GPD1L: variants seen among roughly 807,000 people sequenced by gnomAD.
GPD1L encodes the protein glycerol-3-phosphate dehydrogenase 1-like protein.
GPD1L carries 17 observed loss-of-function variants against 32.9 expected under a neutral mutation model. That is an observed-to-expected ratio of 0.52 (90% CI 0.35 to 0.78). The LOEUF (loss-of-function observed/expected upper bound fraction) is 0.78. GPD1L is among the 30% of genes least tolerant of loss of function. The pLI is 0.01. For missense variants in GPD1L, 361 were observed against 447.8 expected, an observed-to-expected ratio of 0.81 and a Z score of 1.75; for synonymous variants, 187 against 165.9, an observed-to-expected ratio of 1.13 and a Z score of -0.98.
In GPD1L at chr3:32,168,144, A is replaced by G. The variant is rs994207056; in HGVS notation, c.*2234A>G. ...TTTCTTTACAAATGCCCTTGTAATT[A>G]CCACTCTGAAGTCTGCTGACTGTGT... On this transcript the variant is annotated 3_prime_UTR_variant, in exon 8 of 8. Transcript: ENST00000282541. The G allele has an allele frequency of 1.3e-5, 2 of 152,252 alleles. No individual in the cohort carries two copies. The highest frequency in any genetic ancestry group is 2.9e-5 in the Non-Finnish European group (2 of 68,024). 9.4% of individuals were successfully genotyped at this position (152,252 alleles called of 1,614,324 possible). A position where few individuals can be genotyped will look rare whatever the true frequency, so the allele number is the denominator to read the frequency against.
At chr3:32,130,112 G>A (rs1382585378) in intron 2 of GPD1L, among the ~76,000 whole-genome samples, 2 of 152,058 alleles carry the variant, frequency 1.3e-5, no homozygotes, top group Non-Finnish European at 2.9e-5. Context: ...GAGTGGTTCT[G>A]TGAAGCTGGA....
chr3:32,130,920 C>T (rs1417775405), intron 2 of GPD1L, among the ~76,000 whole-genome samples: 4 of 151,978 alleles, frequency 2.6e-5, no homozygotes, highest in African/African-American at 9.7e-5. Context: ...GAGGCTGAGG[C>T]AGGAGAATTG....
Position 32,167,724 on chromosome 3 carries a change from GGCC to G in GPD1L, c.*1815_*1817del, listed in dbSNP as rs1359718666. The G allele has an allele frequency of 2.0e-5, 3 of 152,402 alleles. No homozygotes were observed. Among genetic ancestry groups the G allele is most frequent in the Non-Finnish European group, 2.9e-5 (2 of 68,012 alleles). The allele number at this position is 152,402 out of a possible 1,614,324, so 9.4% of individuals were successfully genotyped here. A position where few individuals can be genotyped will look rare whatever the true frequency, so the allele number is the denominator to read the frequency against. On this transcript the variant is annotated 3_prime_UTR_variant, in exon 8 of 8. Transcript: ENST00000282541. ...AATTTAAGTTACTTTGTGAGATTTGGGCCTGTCCCTCAATGCCAGTTTAGGATT... is the reference window on the plus strand; with the variant it reads ...AATTTAAGTTACTTTGTGAGATTTGGTGTCCCTCAATGCCAGTTTAGGATT...
Position 32,140,236 on chromosome 3 carries a change from C to CG in GPD1L, c.376dup (p.Glu126GlyfsTer11). Reference sequence around the variant, plus strand: ...TCTTGGCATCCTTGTAGGGCATAGACGAGGGCCCCGAGGGGCTGAAGCTCA... The same window carrying CG: ...TCTTGGCATCCTTGTAGGGCATAGACGGAGGGCCCCGAGGGGCTGAAGCTCA... On this transcript the variant is annotated frameshift_variant, in exon 4 of 8. Transcript: ENST00000282541. LOFTEE classifies it high-confidence loss of function. The CG allele has an allele frequency of 6.2e-7, 1 of 1,614,008 alleles. No homozygotes were observed. Among genetic ancestry groups the CG allele is most frequent in the Non-Finnish European group, 8.5e-7 (1 of 1,179,972 alleles).
chr3:32,127,122 C>T (rs971513082), intron 1 of GPD1L, among the ~76,000 whole-genome samples: 7 of 152,136 alleles, frequency 4.6e-5, no homozygotes, highest in Admixed American at 6.5e-5. Flanking sequence ...TGGCCGCCCC[C>T]GCCTTTTGTT....
chr3:32,144,911 C>T (rs9833160), intron 4 of GPD1L, among the ~76,000 whole-genome samples: 61,696 of 150,762 alleles, frequency 0.41, 13,301 homozygotes, highest in African/African-American at 0.53. Context: ...GCCATGCTGA[C>T]CAGGCTGGTC....
At position 32,166,699 on chromosome 3, in the gene GPD1L, T is replaced by C. The variant is rs749657920; in HGVS notation, c.*789T>C. 6.6e-6 allele frequency: 1 copy of C among 152,634 alleles called. No individual in the cohort carries two copies. Among genetic ancestry groups the C allele is most frequent in the Non-Finnish European group, 1.5e-5 (1 of 68,424 alleles). The allele number at this position is 152,634 out of a possible 1,614,324, so 9.5% of individuals were successfully genotyped here. Reference sequence around the variant, plus strand: ...TTTATCTTAAACATCACAGATCCACTGGGGGGTGCAAGGGGCTACTGTTAG... The same window carrying C: ...TTTATCTTAAACATCACAGATCCACCGGGGGGTGCAAGGGGCTACTGTTAG... On this transcript the variant is annotated 3_prime_UTR_variant, in exon 8 of 8. Coordinates refer to ENST00000282541, the MANE Select transcript of GPD1L (RefSeq NM_015141.4).
At chr3:32,150,844 C>T (rs1113619) in intron 5 of GPD1L, among the ~76,000 whole-genome samples, 2 of 152,022 alleles carry the variant, frequency 1.3e-5, no homozygotes, top group Non-Finnish European at 2.9e-5. Flanking sequence ...AATCCCAGCA[C>T]TTTGGGAGGC....
At chr3:32,107,351 C>A (rs1057166392) in intron 1 of GPD1L, among the ~76,000 whole-genome samples, 5 of 152,202 alleles carry the variant, frequency 3.3e-5, no homozygotes, top group African/African-American at 9.6e-5. Flanking sequence ...GTTGAGAATT[C>A]TCCCTTGCCG....
chr3:32,160,584 C>T lies in GPD1L; in HGVS notation c.959+910C>T, dbSNP rs28391701. On this transcript the variant is annotated intron_variant, in intron 7 of 7. Transcript: ENST00000282541. ...GGTGGGTGGGATGGGATGAGATAGA[C>T]GGAGGGATGGATAATGGATGGGTGC... 1.6e-3 allele frequency among the ~76,000 whole-genome samples: 52 copies of T among 32,806 alleles called. 5 individuals are homozygous for T. The highest frequency in any genetic ancestry group is 9.0e-3 in the African/African-American group (39 of 4,336). The allele number at this position is 32,806 out of a possible 152,430, so 21.5% of individuals were successfully genotyped here.
intron 4 of GPD1L, 37 bp from the exon 5 acceptor site, chr3:32,146,585 C>A: frequency 9.3e-7 from 1 of 1,080,976 alleles, no homozygotes; most frequent in Non-Finnish European, 1.4e-6. Context: ...AGATTAGAGG[C>A]TGTTATTAAT....
Position 32,142,767 on chromosome 3 carries a change from A to T in GPD1L, c.505+2401A>T, listed in dbSNP as rs983406013. ...TGTAGGAAAGTTTCTAGTTGGGTAC[A>T]TTAGGCTTTTTTGGTTTTAAAAAAC... On this transcript the variant is annotated intron_variant, in intron 4 of 7. Transcript: ENST00000282541. Among the ~76,000 whole-genome samples the T allele has an allele frequency of 3.9e-5, 6 of 152,188 alleles. No homozygotes were observed. The East Asian group carries it at 9.6e-4, about 24-fold the overall frequency.
chr3:32,139,090 A>G (rs1224258276), intron 3 of GPD1L, among the ~76,000 whole-genome samples: 1 of 152,132 alleles, frequency 6.6e-6, no homozygotes, highest in Non-Finnish European at 1.5e-5. Flanking sequence ...TGTGTTTTTA[A>G]CCAGAACTCC....
chr3:32,143,574 T>G (rs1201974382), intron 4 of GPD1L, among the ~76,000 whole-genome samples: 5 of 152,194 alleles, frequency 3.3e-5, no homozygotes. Context: ...CCAGGCGTGG[T>G]GACTCACACT....
intron 5 of GPD1L, among the ~76,000 whole-genome samples, chr3:32,147,517 G>A (rs536102658): frequency 5.3e-5 from 8 of 152,168 alleles, no homozygotes; most frequent in East Asian, 1.9e-4. Context: ...TCTCTCTGCC[G>A]TGACTTGGGG....
intron 7 of GPD1L, among the ~76,000 whole-genome samples, chr3:32,161,979 T>C (rs1351138897): frequency 1.3e-5 from 2 of 152,198 alleles, no homozygotes; most frequent in Non-Finnish European, 2.9e-5. Flanking sequence ...TCCTTTTTCA[T>C]TCTGACCACC....
intron 4 of GPD1L, among the ~76,000 whole-genome samples, chr3:32,143,905 G>A (rs181940787): frequency 2.4e-4 from 37 of 152,198 alleles, no homozygotes; most frequent in Admixed American, 9.8e-4. Context: ...TTGCTTCAGC[G>A]TGGGAGGTGG....
chr3:32,159,482 A>G (rs1423859436), intron 6 of GPD1L, 86 bp from the exon 7 acceptor site: 1 of 865,370 alleles, frequency 1.2e-6, no homozygotes, highest in Non-Finnish European at 1.7e-6. Context: ...AAAAAAAAAG[A>G]AAAAAAACAC....
intron 5 of GPD1L, among the ~76,000 whole-genome samples, chr3:32,149,946 C>T (rs962307131): frequency 2.7e-4 from 28 of 104,086 alleles, no homozygotes; most frequent in South Asian, 6.9e-4. Flanking sequence ...GAGACTCCGT[C>T]TCAAAAAAAA....
Sources: allele counts gnomAD v4.1 joint callset (sites outside exome capture counted in the v4.1 genomes callset), GRCh38; gene constraint gnomAD v4.1.1; transcripts MANE v1.5; gene names NCBI Gene and HGNC (gene_info 2026-07-23, HGNC 2026-07-21).